Variants in SH3KBP1 observed in about 807,000 individuals in gnomAD.
SH3KBP1 encodes the protein SH3 domain-containing kinase-binding protein 1.
SH3KBP1 carries 8 observed loss-of-function variants against 50.1 expected under a neutral mutation model. The observed-to-expected ratio is 0.16, with a 90% CI of 0.09 to 0.29. The LOEUF (loss-of-function observed/expected upper bound fraction) is 0.29. Among genes scored for constraint, SH3KBP1 ranks in the 10% least tolerant of loss-of-function variants. The pLI, the probability that SH3KBP1 is intolerant of heterozygous loss-of-function variation, is 1.00. For synonymous variants in SH3KBP1, 227 were observed against 218.6 expected (o/e 1.04, Z -0.34); for missense variants, 377 against 535.2 (o/e 0.70, Z 2.92).
chrX:19,588,382 G>A (rs1315500947), intron 12 of SH3KBP1: 2 of 1,095,718 alleles, frequency 1.8e-6, no homozygotes, highest in South Asian at 2.5e-5. Context: ...CTGTGTGTGA[G>A]CAGGGCCTAA....
Position 19,706,902 on chromosome X carries a change from G to A in SH3KBP1, c.369C>T (p.Asp123=). The stretch of plus-strand genomic sequence containing the variant: ...TTACCTCTCCTACCACCTCTATGAT[G>A]TCGCCAACTTTCAGCTCAAGTTCAT... ...NDDELELKVG[D]IIEVVGEVEE... Residue 123 remains aspartate, a synonymous_variant, in exon 4 of 18, where the codon GAC becomes GAT. Transcript: ENST00000397821. 3.3e-6 allele frequency: 4 copies of A among 1,210,699 alleles called. No homozygotes were observed. The highest frequency in any genetic ancestry group is 4.5e-6 in the Non-Finnish European group (4 of 894,725).
At chrX:19,735,283 T>C (rs376714861) in intron 3 of SH3KBP1, among the ~76,000 whole-genome samples, 1 of 111,521 alleles carries the variant, frequency 9.0e-6, no homozygotes, top group African/African-American at 3.3e-5. Context: ...TTTTCTATAG[T>C]TTTTCGATTC....
chrX:19,852,018 CGGGCTTTGG>C (rs965906462), intron 1 of SH3KBP1, among the ~76,000 whole-genome samples: 1 of 111,732 alleles, frequency 8.9e-6, no homozygotes, highest in Non-Finnish European at 1.9e-5. Context: ...TCTTCCTCCC[CGGGCTTTGG>C]AACCTGGGCA....
intron 7 of SH3KBP1, among the ~76,000 whole-genome samples, chrX:19,636,719 T>TA (rs1028479758): frequency 3.6e-5 from 4 of 109,829 alleles, no homozygotes; most frequent in East Asian, 2.8e-4. Flanking sequence ...CCTCTCAGCT[T>TA]AAAAAAAAAT....
At chrX:19,873,017 G>A (rs2069103809) in intron 1 of SH3KBP1, among the ~76,000 whole-genome samples, 1 of 109,101 alleles carries the variant, frequency 9.2e-6, no homozygotes, top group Admixed American at 9.9e-5. Context: ...TCAGGGGCCA[G>A]TCCAGTCATT....
At chrX:19,545,169 G>T (rs2065049291) in intron 15 of SH3KBP1, among the ~76,000 whole-genome samples, 1 of 112,225 alleles carries the variant, frequency 8.9e-6, no homozygotes, top group African/African-American at 3.2e-5. Flanking sequence ...TGCTTCAAGT[G>T]ACTATAGTTT....
intron 13 of SH3KBP1, among the ~76,000 whole-genome samples, chrX:19,564,624 GTT>G (rs1451636296): frequency 1.9e-5 from 2 of 107,893 alleles, no homozygotes; most frequent in African/African-American, 6.8e-5. Context: ...CTTGGTTGAT[GTT>G]TAATTACTTC....
chrX:19,651,399 C>T (rs2062122773), intron 6 of SH3KBP1, among the ~76,000 whole-genome samples: 2 of 112,114 alleles, frequency 1.8e-5, no homozygotes, highest in South Asian at 7.5e-4. Context: ...AAAAAAACTA[C>T]ACTTGTAATT....
chrX:19,831,791 C>CA (rs368754488), intron 2 of SH3KBP1, among the ~76,000 whole-genome samples: 8 of 36,378 alleles, frequency 2.2e-4, no homozygotes, highest in Admixed American at 4.8e-4. Context: ...AACTCCATCC[C>CA]AAAAAAAAAA....
intron 2 of SH3KBP1, among the ~76,000 whole-genome samples, chrX:19,761,745 T>A (rs1437399381): frequency 3.6e-5 from 4 of 112,410 alleles, no homozygotes; most frequent in Non-Finnish European, 7.5e-5. Context: ...GGCTGCTGGG[T>A]ACTCACACAT....
rs1205303685 is a variant in SH3KBP1 at position 19,735,792 on chromosome X, C to T, written c.286+10526G>A. Among the ~76,000 whole-genome samples, 3 of 103,483 alleles carry T rather than the reference C, an allele frequency of 2.9e-5. No homozygotes were observed. The Admixed American group carries it at 3.1e-4, about 11-fold the overall frequency. 89.9% of individuals were successfully genotyped at this position (103,483 alleles called of 115,157 possible). On this transcript the variant is annotated intron_variant, in intron 3 of 17. Transcript: ENST00000397821. ...AGGCTGGAGTGCAGCGGCGCGATCT[C>T]GGCTCACTGCAAGCTCCGCCTCCCG... is the stretch of plus-strand genomic sequence containing the variant.
intron 12 of SH3KBP1, among the ~76,000 whole-genome samples, chrX:19,573,670 T>C (rs2147869463): frequency 9.0e-6 from 1 of 111,668 alleles, no homozygotes; most frequent in South Asian, 3.8e-4. Context: ...CCAATAGTAT[T>C]ACCAAGGTAA....
At chrX:19,577,311 C>T (rs759527010) in intron 12 of SH3KBP1, among the ~76,000 whole-genome samples, 99 of 111,653 alleles carry the variant, frequency 8.9e-4, no homozygotes, top group Non-Finnish European at 1.7e-3. Flanking sequence ...GACTCCTTCT[C>T]GAAGCTGCTT....
At chrX:19,847,264 T>C (rs2068388296) in intron 1 of SH3KBP1, among the ~76,000 whole-genome samples, 1 of 111,572 alleles carries the variant, frequency 9.0e-6, no homozygotes, top group Non-Finnish European at 1.9e-5. Context: ...GTAATCCTGC[T>C]ACCGCGAGCC....
intron 3 of SH3KBP1, among the ~76,000 whole-genome samples, chrX:19,744,091 A>G (rs1014278164): frequency 7.1e-5 from 8 of 111,917 alleles, no homozygotes; most frequent in African/African-American, 2.6e-4. Flanking sequence ...ACAGTAATAG[A>G]CCAAAACATC....
At position 19,875,261 on chromosome X, in the gene SH3KBP1, G is replaced by A. The variant is rs943916527; in HGVS notation, c.4+12046C>T. Among the ~76,000 whole-genome samples, 8 of 111,607 alleles carry A rather than the reference G, an allele frequency of 7.2e-5. No individual in the cohort carries two copies. The Admixed American group carries it at 7.6e-4, about 11-fold the overall frequency. On this transcript the variant is annotated intron_variant, in intron 1 of 17. Transcript: ENST00000397821. ...CCGCCAACTCAATAGGTGACATGGA[G>A]CTTAGTCACACAGTTCAGGAGCTCA...
chrX:19,875,985 G>C (rs1349922485), intron 1 of SH3KBP1, among the ~76,000 whole-genome samples: 1 of 112,156 alleles, frequency 8.9e-6, no homozygotes, highest in Non-Finnish European at 1.9e-5. Flanking sequence ...AGCGGGCCCT[G>C]CTTGGCTTCT....
chrX:19,556,891 C>T (rs1172421566), intron 13 of SH3KBP1, among the ~76,000 whole-genome samples: 1 of 111,294 alleles, frequency 9.0e-6, no homozygotes, highest in East Asian at 2.8e-4. Context: ...AGGCTGATCT[C>T]ATACTCCTGG....
At chrX:19,817,199 G>T (rs1193622636) in intron 2 of SH3KBP1, among the ~76,000 whole-genome samples, 2 of 111,679 alleles carry the variant, frequency 1.8e-5, no homozygotes, top group African/African-American at 6.5e-5. Context: ...TCATAAAATT[G>T]GGTAGATTCC....
Sources: allele counts gnomAD v4.1 joint callset (sites outside exome capture counted in the v4.1 genomes callset), GRCh38; gene constraint gnomAD v4.1.1; transcripts MANE v1.5; gene names NCBI Gene and HGNC (gene_info 2026-07-23, HGNC 2026-07-21).